The following CAMK2D variants were observed in gnomAD, a reference collection of about 807,000 sequenced individuals.
CAMK2D encodes the protein calcium/calmodulin-dependent protein kinase type II subunit delta.
CAMK2D carries 37 observed loss-of-function variants against 84.0 expected under a neutral mutation model. That is an observed-to-expected ratio of 0.44 (90% CI 0.34 to 0.58). CAMK2D has a LOEUF of 0.58. CAMK2D is among the 20% of genes least tolerant of loss of function. CAMK2D has a pLI of 0.02. For synonymous variants in CAMK2D, 202 were observed against 212.5 expected, an observed-to-expected ratio of 0.95 and a Z score of 0.43; for missense variants, 448 against 652.5, an observed-to-expected ratio of 0.69 and a Z score of 3.41.
intron 2 of CAMK2D, among the ~76,000 whole-genome samples, chr4:113,692,492 A>G (rs1317331144): frequency 6.6e-6 from 1 of 152,142 alleles, no homozygotes; most frequent in Non-Finnish European, 1.5e-5. Context: ...ACATATTCAT[A>G]TATTCATACA....
At chr4:113,616,172 A>G (rs867529061) in intron 3 of CAMK2D, among the ~76,000 whole-genome samples, 1 of 152,304 alleles carries the variant, frequency 6.6e-6, no homozygotes, top group Admixed American at 6.5e-5. Context: ...GCTTACACTT[A>G]ATAGGAATGA....
intron 2 of CAMK2D, among the ~76,000 whole-genome samples, chr4:113,702,201 T>C (rs969249342): frequency 6.6e-6 from 1 of 152,168 alleles, no homozygotes; most frequent in Non-Finnish European, 1.5e-5. Context: ...TTCACTAGAG[T>C]GTAAGATGCT....
chr4:113,629,917 A>G (rs1314231108), intron 3 of CAMK2D, among the ~76,000 whole-genome samples: 1 of 152,138 alleles, frequency 6.6e-6, no homozygotes, highest in East Asian at 1.9e-4. Context: ...ATGTTTAAAA[A>G]AAAAAACTCT....
rs1404329951 is a variant in CAMK2D at position 113,761,467 on chromosome 4, CAGG to C, written c.-402_-400del. On this transcript the variant is annotated 5_prime_UTR_variant, in exon 1 of 21. Coordinates refer to ENST00000511664, the MANE Select transcript of CAMK2D (RefSeq NM_001321571.2). ...AGTTGCGAAACGATCCGCACTGGAG[CAGG>C]AGGAGTAGAAGCAGAGGGGAGGGAG... is the stretch of plus-strand genomic sequence containing the variant. The C allele has an allele frequency of 3.0e-5, 34 of 1,125,052 alleles. No individual in the cohort carries two copies. The highest frequency in any genetic ancestry group is 3.6e-5 in the Non-Finnish European group (33 of 910,212). The allele number at this position is 1,125,052 out of a possible 1,614,324, so 69.7% of individuals were successfully genotyped here. A position where few individuals can be genotyped will look rare whatever the true frequency, so the allele number is the denominator to read the frequency against.
chr4:113,696,020 C>T (rs986605054), intron 2 of CAMK2D, among the ~76,000 whole-genome samples: 1 of 152,052 alleles, frequency 6.6e-6, no homozygotes, highest in Non-Finnish European at 1.5e-5. Flanking sequence ...TAACTCAGGA[C>T]CTTTGCACCT....
chr4:113,518,439 T>C (rs1177055325), intron 8 of CAMK2D, among the ~76,000 whole-genome samples: 1 of 152,210 alleles, frequency 6.6e-6, no homozygotes, highest in African/African-American at 2.4e-5. Flanking sequence ...ATTCACAGTT[T>C]GTAAATTTCC....
intron 6 of CAMK2D, among the ~76,000 whole-genome samples, chr4:113,543,922 G>T (rs1302081939): frequency 6.6e-6 from 1 of 152,014 alleles, no homozygotes; most frequent in Non-Finnish European, 1.5e-5. Context: ...CTCCCGAGTA[G>T]CTGGGACTAT....
chr4:113,760,411 C>T (rs2149185044), intron 1 of CAMK2D, among the ~76,000 whole-genome samples: 1 of 152,290 alleles, frequency 6.6e-6, no homozygotes, highest in South Asian at 2.1e-4. Context: ...CAAAGAACAA[C>T]ACTGGATATA....
chr4:113,596,444 T>C (rs1243001585), intron 4 of CAMK2D, among the ~76,000 whole-genome samples: 1 of 152,236 alleles, frequency 6.6e-6, no homozygotes, highest in Non-Finnish European at 1.5e-5. Context: ...TCAATTTACT[T>C]TGCTCAGATC....
chr4:113,584,300 A>C (rs985673610), intron 4 of CAMK2D, among the ~76,000 whole-genome samples: 4 of 152,168 alleles, frequency 2.6e-5, no homozygotes, highest in African/African-American at 9.7e-5. Context: ...AAGCAAAAAT[A>C]AAAAAGGGAT....
intron 4 of CAMK2D, among the ~76,000 whole-genome samples, chr4:113,596,474 T>A (rs2098927118): frequency 6.6e-6 from 1 of 152,226 alleles, no homozygotes; most frequent in Non-Finnish European, 1.5e-5. Flanking sequence ...AATGACTATC[T>A]AAGGCAGCTA....
chr4:113,559,615 T>A (rs933365004), intron 4 of CAMK2D, among the ~76,000 whole-genome samples: 3 of 152,274 alleles, frequency 2.0e-5, no homozygotes, highest in African/African-American at 7.2e-5. Flanking sequence ...TTCCTGTGCA[T>A]GTAAGATTTC....
intron 14 of CAMK2D, 55 bp downstream of exon 14, chr4:113,504,921 C>CAAA (rs5861139): frequency 2.6e-5 from 21 of 817,954 alleles, no homozygotes; most frequent in Non-Finnish European, 3.0e-5. Flanking sequence ...AGAGAAACCA[C>CAAA]AAAAAAAAAA....
chr4:113,533,770 T>C (rs1006738072), intron 7 of CAMK2D, among the ~76,000 whole-genome samples: 2 of 152,016 alleles, frequency 1.3e-5, no homozygotes, highest in African/African-American at 2.4e-5. Flanking sequence ...GTAAATTTTC[T>C]AGCCATCTTA....
intron 2 of CAMK2D, among the ~76,000 whole-genome samples, chr4:113,744,557 A>G (rs1024449148): frequency 1.5e-4 from 23 of 152,132 alleles, no homozygotes; most frequent in Non-Finnish European, 1.5e-4. Context: ...GTATTTCCCT[A>G]CACCACTATC....
Position 113,537,484 on chromosome 4 carries a change from C to A in CAMK2D, c.415-41G>T, listed in dbSNP as rs200204204. 9.2e-5 allele frequency: 109 copies of A among 1,187,416 alleles called. 1 individual carries two copies. Among genetic ancestry groups the A allele is most frequent in the Middle Eastern group, 4.8e-4 (2 of 4,140 alleles). 73.6% of individuals were successfully genotyped at this position (1,187,416 alleles called of 1,614,324 possible). ...AAAAAAAAGAGACTGAAGTGAGAAC[C>A]TATTTTAAGCGACTATTCAAAACTA... On this transcript the variant is annotated intron_variant, in intron 6 of 20. Coordinates refer to ENST00000511664, the MANE Select transcript of CAMK2D (RefSeq NM_001321571.2).
intron 3 of CAMK2D, among the ~76,000 whole-genome samples, chr4:113,655,022 A>G (rs186834840): frequency 5.9e-5 from 9 of 152,202 alleles, no homozygotes. Flanking sequence ...AGTACCCCAT[A>G]ATAATGTACT....
chr4:113,588,903 C>T (rs1482305637), intron 4 of CAMK2D, among the ~76,000 whole-genome samples: 2 of 138,254 alleles, frequency 1.4e-5, no homozygotes, highest in African/African-American at 2.6e-5. Context: ...AAAAAAAAAG[C>T]CAAGGAAGGA....
At chr4:113,756,522 A>T (rs2099628944) in intron 2 of CAMK2D, among the ~76,000 whole-genome samples, 1 of 152,052 alleles carries the variant, frequency 6.6e-6, no homozygotes, top group Non-Finnish European at 1.5e-5. Flanking sequence ...AATTCTTTCT[A>T]CATTTGCCTT....
Sources: gnomAD v4.1 joint callset for allele counts (sites outside exome capture counted in the v4.1 genomes callset) on GRCh38, gnomAD v4.1.1 for gene constraint, MANE v1.5 for transcripts, NCBI Gene and HGNC (gene_info 2026-07-23, HGNC 2026-07-21) for gene names.